Variants in ITPR2 observed in about 807,000 individuals in gnomAD.
ITPR2 encodes inositol 1,4,5-trisphosphate receptor type 2.
Under a neutral mutation model 317.1 loss-of-function variants are expected in ITPR2, and 207 were observed. The ratio of observed to expected loss-of-function variants is 0.65; its 90% CI spans 0.58 to 0.73. The LOEUF (loss-of-function observed/expected upper bound fraction) is 0.73, where lower values mean the gene tolerates loss of function less well. Among genes scored for constraint, ITPR2 ranks in the 30% least tolerant of loss-of-function variants. The pLI, the probability that ITPR2 is intolerant of heterozygous loss-of-function variation, is 0.00. For synonymous variants in ITPR2, 1,156 were observed against 1,149.1 expected, an observed-to-expected ratio of 1.01 and a Z score of -0.12; for missense variants, 2,613 against 3,284.0, an observed-to-expected ratio of 0.80 and a Z score of 4.99.
At chr12:26,779,162 A>T (rs1018777250) in intron 2 of ITPR2, among the ~76,000 whole-genome samples, 1 of 152,254 alleles carries the variant, frequency 6.6e-6, no homozygotes, top group Non-Finnish European at 1.5e-5. Flanking sequence ...ACAGATAGGG[A>T]TGCTGTTTGG....
intron 45 of ITPR2, among the ~76,000 whole-genome samples, chr12:26,447,577 C>G (rs887934250): frequency 1.3e-5 from 2 of 150,966 alleles, no homozygotes; most frequent in East Asian, 3.9e-4. Flanking sequence ...ATTATTTCTT[C>G]GTATTTTTCA....
At chr12:26,670,657 A>T (rs1206678784) in intron 13 of ITPR2, among the ~76,000 whole-genome samples, 1 of 152,228 alleles carries the variant, frequency 6.6e-6, no homozygotes, top group African/African-American at 2.4e-5. Context: ...CCTCCTCCAA[A>T]GGAACGCAGT....
chr12:26,592,827 T>C (rs1490786843), intron 32 of ITPR2, among the ~76,000 whole-genome samples: 1 of 152,226 alleles, frequency 6.6e-6, no homozygotes, highest in Non-Finnish European at 1.5e-5. Flanking sequence ...TCAACTACTG[T>C]TGTGGATGTC....
At chr12:26,743,748 G>C (rs2137087959) in intron 2 of ITPR2, among the ~76,000 whole-genome samples, 1 of 152,214 alleles carries the variant, frequency 6.6e-6, no homozygotes, top group South Asian at 2.1e-4. Flanking sequence ...AAAATTAGCT[G>C]GGCATGGTGG....
At chr12:26,784,259 C>A (rs1237395967) in intron 2 of ITPR2, among the ~76,000 whole-genome samples, 1 of 4,730 alleles carries the variant, frequency 2.1e-4, no homozygotes, top group Non-Finnish European at 9.3e-4. Flanking sequence ...TGGAGAATCT[C>A]CCTCTCCCTC....
intron 45 of ITPR2, among the ~76,000 whole-genome samples, chr12:26,467,340 T>C (rs1942192925): frequency 6.6e-6 from 1 of 152,126 alleles, no homozygotes; most frequent in African/African-American, 2.4e-5. Context: ...TGGCTGTTCC[T>C]GCCATTCTCT....
At chr12:26,725,048 C>A (rs7303971) in intron 3 of ITPR2, among the ~76,000 whole-genome samples, 1,988 of 152,214 alleles carry the variant, frequency 0.013, 47 homozygotes, top group African/African-American at 0.046. Context: ...TCAATGTATG[C>A]TGAAATGCCC....
At chr12:26,485,432 G>A (rs539340099) in intron 41 of ITPR2, among the ~76,000 whole-genome samples, 18 of 152,304 alleles carry the variant, frequency 1.2e-4, no homozygotes, top group African/African-American at 4.1e-4. Flanking sequence ...GGTTAGGATA[G>A]GCCCATGGGC....
chr12:26,655,649 C>A, intron 20 of ITPR2, 59 bp downstream of exon 20: 1 of 1,324,344 alleles, frequency 7.6e-7, no homozygotes, highest in Non-Finnish European at 1.0e-6. Context: ...AAAATAATAC[C>A]TTCATGAACT....
intron 1 of ITPR2, among the ~76,000 whole-genome samples, chr12:26,814,168 T>TA (rs1429528925): frequency 1.3e-5 from 2 of 152,184 alleles, no homozygotes; most frequent in African/African-American, 4.8e-5. Flanking sequence ...CTGCGGCAGA[T>TA]AGCAGCCATG....
intron 45 of ITPR2, among the ~76,000 whole-genome samples, chr12:26,450,015 G>A (rs7131776): frequency 0.84 from 127,735 of 152,100 alleles, 53,729 homozygotes; most frequent in Non-Finnish European, 0.87. Context: ...AGGGAAATAC[G>A]GGCACAATCA....
At chr12:26,535,177 T>C (rs1202686831) in intron 37 of ITPR2, among the ~76,000 whole-genome samples, 3 of 152,162 alleles carry the variant, frequency 2.0e-5, no homozygotes, top group African/African-American at 7.2e-5. Flanking sequence ...ATAAAAGTTG[T>C]TCTACTAATT....
At chr12:26,605,126 A>AAAAAAATATATATATATATATAT (rs1555165395) in intron 26 of ITPR2, among the ~76,000 whole-genome samples, 1 of 136,306 alleles carries the variant, frequency 7.3e-6, no homozygotes, top group African/African-American at 2.6e-5. Context: ...AAAAAATAAA[A>AAAAAAATATATATATATATATAT]ATATATATAT....
In ITPR2 at chr12:26,475,319, T is replaced by C. The variant is rs749413062; in HGVS notation, c.6319A>G (p.Asn2107Asp). ...ACCTGATGGGCCAGAATATAGATAT[T>C]GTGTCCAACATCTTTTGGAGAAACA... ...DGVSPKDVGH[N>D]IYILAHQLAR... Residue 2107 changes from asparagine to aspartate, a missense_variant, in exon 45 of 57, where the codon AAT (asparagine) becomes GAT (aspartate). By Grantham distance (23) the Asn-to-Asp change is conservative. Coordinates refer to ENST00000381340, the MANE Select transcript of ITPR2 (RefSeq NM_002223.4). The C allele has an allele frequency of 6.2e-7, 1 of 1,614,060 alleles. No homozygotes were observed. The highest frequency in any genetic ancestry group is 8.5e-7 in the Non-Finnish European group (1 of 1,179,956).
intron 21 of ITPR2, among the ~76,000 whole-genome samples, chr12:26,650,274 G>C (rs948868993): frequency 3.3e-5 from 5 of 152,322 alleles, no homozygotes; most frequent in Admixed American, 3.3e-4. Context: ...GCAGTTGCCA[G>C]GGGATGGTGA....
At chr12:26,683,452 G>A (rs373002693) in intron 11 of ITPR2, among the ~76,000 whole-genome samples, 2 of 152,268 alleles carry the variant, frequency 1.3e-5, no homozygotes, top group East Asian at 1.9e-4. Context: ...TGTTCCTAAA[G>A]CACAAGAAGG....
intron 55 of ITPR2, among the ~76,000 whole-genome samples, chr12:26,384,763 C>T (rs1344535399): frequency 5.9e-5 from 9 of 152,170 alleles, no homozygotes; most frequent in Admixed American, 2.0e-4. Context: ...TGGACTCTGA[C>T]ACTGAAATCC....
intron 36 of ITPR2, among the ~76,000 whole-genome samples, chr12:26,552,697 C>G (rs144177850): frequency 1.3e-5 from 2 of 152,142 alleles, no homozygotes; most frequent in Non-Finnish European, 2.9e-5. Flanking sequence ...CTTTCTTTCA[C>G]GCAACACTTT....
chr12:26,786,711 G>A (rs1420822036), intron 2 of ITPR2, among the ~76,000 whole-genome samples: 2 of 151,980 alleles, frequency 1.3e-5, no homozygotes, highest in South Asian at 2.1e-4. Context: ...AAAAACATTG[G>A]AGGAGTTGTA....
Sources: allele counts gnomAD v4.1 joint callset (sites outside exome capture counted in the v4.1 genomes callset), GRCh38; gene constraint gnomAD v4.1.1; transcripts MANE v1.5; gene names NCBI Gene and HGNC (gene_info 2026-07-23, HGNC 2026-07-21).